MKRN1: variants seen among roughly 807,000 people sequenced by gnomAD.
MKRN1 encodes makorin ring finger protein 1.
A neutral mutation model predicts 55.5 loss-of-function variants in MKRN1; 9 were observed. The observed-to-expected ratio is 0.16, with a 90% CI of 0.10 to 0.28. The LOEUF (loss-of-function observed/expected upper bound fraction) is 0.28. MKRN1 is among the 10% of genes least tolerant of loss of function. The pLI is 1.00. For missense variants in MKRN1, 488 were observed against 626.7 expected (o/e 0.78, Z 2.36); for synonymous variants, 253 against 235.9 (o/e 1.07, Z -0.66).
At chr7:140,478,920 C>A in intron 1 of MKRN1, 1 of 371,610 alleles carries the variant, frequency 2.7e-6, no homozygotes, top group Non-Finnish European at 4.5e-6. Flanking sequence ...CCGCAGTAAT[C>A]GCGCACCGCC....
rs1396231496 is a variant in MKRN1, at chr7:140,453,466, GACA to G, written c.*1048_*1050del. On this transcript the variant is annotated 3_prime_UTR_variant, in exon 8 of 8. Coordinates refer to ENST00000255977, the MANE Select transcript of MKRN1 (RefSeq NM_013446.4). Reference sequence around the variant, plus strand: ...CCCACAAAAACAAACACAAAAACCCGACAACAAAATGCCTCAAGTGAGGACAAA... The same window carrying G: ...CCCACAAAAACAAACACAAAAACCCGACAAAATGCCTCAAGTGAGGACAAA... 2 of 152,552 alleles carry G rather than the reference GACA, an allele frequency of 1.3e-5. No homozygotes were observed. Among genetic ancestry groups the G allele is most frequent in the Non-Finnish European group, 2.9e-5 (2 of 68,036 alleles). 9.4% of individuals were successfully genotyped at this position (152,552 alleles called of 1,614,324 possible).
At chr7:140,459,666 T>C in intron 3 of MKRN1, 41 bp downstream of exon 3, 1 of 1,574,958 alleles carries the variant, frequency 6.3e-7, no homozygotes. Flanking sequence ...TGAACTGCTA[T>C]CCAGCCCTCT....
intron 4 of MKRN1, among the ~76,000 whole-genome samples, chr7:140,458,456 A>G (rs150342793): frequency 6.6e-6 from 1 of 152,368 alleles, no homozygotes; most frequent in East Asian, 1.9e-4. Context: ...ACAATAGGCC[A>G]ATCCAGAGAC....
At position 140,474,005 on chromosome 7, in the gene MKRN1, AAAAGAAAGAAAGAAAGAAAGAAAGAAAG is replaced by A. The variant is rs71272543; in HGVS notation, c.186-2022_186-1995del. On this transcript the variant is annotated intron_variant, in intron 1 of 7. Coordinates refer to ENST00000255977, the MANE Select transcript of MKRN1 (RefSeq NM_013446.4). ...GAAACTCCGTCTCAAAAAAAAAAAAAAAAGAAAGAAAGAAAGAAAGAAAGAAAGAAAGAAAGAAAGAAAGAAAGAAAGA... is the reference window on the plus strand; with the variant it reads ...GAAACTCCGTCTCAAAAAAAAAAAAAAAAGAAAGAAAGAAAGAAAGAAAGA... Among the ~76,000 whole-genome samples, 121 of 65,666 alleles carry A rather than the reference AAAAGAAAGAAAGAAAGAAAGAAAGAAAG, an allele frequency of 1.8e-3. 6 individuals carry two copies. In the South Asian group the frequency reaches 0.034, roughly 18 times the overall value. 43.1% of individuals were successfully genotyped at this position (65,666 alleles called of 152,430 possible). A position where few individuals can be genotyped will look rare whatever the true frequency, so the allele number is the denominator to read the frequency against.
intron 2 of MKRN1, among the ~76,000 whole-genome samples, chr7:140,468,642 A>G (rs541889503): frequency 7.7e-6 from 1 of 130,104 alleles, no homozygotes; most frequent in East Asian, 2.6e-4. Flanking sequence ...CGGAGGTTGC[A>G]GTGAGTTGAG....
At chr7:140,456,029 G>A in intron 5 of MKRN1, 129 bp from the exon 6 acceptor site, 1 of 1,013,914 alleles carries the variant, frequency 9.9e-7, no homozygotes, top group Non-Finnish European at 1.4e-6. Context: ...TTCCTGAAAG[G>A]GTTCCACATA....
intron 2 of MKRN1, among the ~76,000 whole-genome samples, chr7:140,464,289 A>T (rs1794709499): frequency 6.6e-6 from 1 of 152,144 alleles, no homozygotes; most frequent in Non-Finnish European, 1.5e-5. Context: ...CTATAATTCC[A>T]GCTAGTTGGG....
intron 1 of MKRN1, chr7:140,473,302 T>G (rs17161569): frequency 0.14 from 61,437 of 451,464 alleles, 4,704 homozygotes; most frequent in African/African-American, 0.25. Context: ...TGAAGTTCCT[T>G]CCACTGTGCA....
At position 140,468,002 on chromosome 7, in the gene MKRN1, C is replaced by CAAAAAAAAA. The variant is rs566154288; in HGVS notation, c.314+3872_314+3880dup. On this transcript the variant is annotated intron_variant, in intron 2 of 7. Coordinates refer to ENST00000255977, the MANE Select transcript of MKRN1 (RefSeq NM_013446.4). ...GGGCAACAAGAGCGAAATTCTGTCT[C>CAAAAAAAAA]AAAAAAAAAAAAAAAAAAATGCAGA... is the stretch of plus-strand genomic sequence containing the variant. Among the ~76,000 whole-genome samples the CAAAAAAAAA allele has an allele frequency of 1.1e-3, 96 of 88,762 alleles. 3 individuals are homozygous for CAAAAAAAAA. The highest frequency in any genetic ancestry group is 3.7e-3 in the African/African-American group (92 of 24,568). The allele number at this position is 88,762 out of a possible 152,430, so 58.2% of individuals were successfully genotyped here.
chr7:140,459,666 T>A (rs745881907), intron 3 of MKRN1, 41 bp downstream of exon 3: 16 of 1,574,840 alleles, frequency 1.0e-5, no homozygotes, highest in Non-Finnish European at 1.4e-5. Flanking sequence ...TGAACTGCTA[T>A]CCAGCCCTCT....
rs1361770336 is a variant in MKRN1, at chr7:140,479,195, G to T, written c.150C>A (p.Gly50=). The change falls in exon 1 of 8, where the codon GGC becomes GGA. Residue 50 remains glycine, a synonymous_variant. Coordinates refer to ENST00000255977, the MANE Select transcript of MKRN1 (RefSeq NM_013446.4). ...CCTGTTTAGTCCAGCCGCCGCCGCTGCCGTCGCTGCCGCCGCCCCCTCCGC... is the reference window on the plus strand; with the variant it reads ...CCTGTTTAGTCCAGCCGCCGCCGCTTCCGTCGCTGCCGCCGCCCCCTCCGC... The part of the protein sequence containing the change: ...GAGGGGGGSD[G]SGGGWTKQVT... The T allele has an allele frequency of 3.4e-6, 5 of 1,464,184 alleles. No individual in the cohort carries two copies. The allele number at this position is 1,464,184 out of a possible 1,614,324, so 90.7% of individuals were successfully genotyped here. A position where few individuals can be genotyped will look rare whatever the true frequency, so the allele number is the denominator to read the frequency against.
chr7:140,467,228 C>A lies in MKRN1; in HGVS notation c.314+4655G>T, dbSNP rs561470607. The stretch of plus-strand genomic sequence containing the variant: ...ACCTCAGGTGATCCTCCTGTCTCAG[C>A]CTCCCAAAGTGCTGGGATTACAGGC... On this transcript the variant is annotated intron_variant, in intron 2 of 7. Transcript: ENST00000255977. Among the ~76,000 whole-genome samples, 12 of 152,196 alleles carry A rather than the reference C, an allele frequency of 7.9e-5. No individual in the cohort carries two copies. The South Asian group carries it at 2.3e-3, about 29-fold the overall frequency.
intron 1 of MKRN1, 78 bp downstream of exon 1, chr7:140,479,082 G>A: frequency 8.0e-7 from 1 of 1,242,714 alleles, no homozygotes; most frequent in Non-Finnish European, 1.0e-6. Flanking sequence ...CAGGCCGGCC[G>A]CCCTCCTCCC....
At chr7:140,471,557 C>T (rs955911897) in intron 2 of MKRN1, among the ~76,000 whole-genome samples, 3 of 152,004 alleles carry the variant, frequency 2.0e-5, no homozygotes. Context: ...GCAACATCCA[C>T]CTCCCGGGTT....
chr7:140,454,748 TG>T lies in MKRN1; in HGVS notation c.1237-20del. On this transcript the variant is annotated intron_variant, in intron 7 of 7. Transcript: ENST00000255977. ...GTTGGGCCTGTAAAAAACAAGGCCA[TG>T]ATAGGGATGGCACTGTCGAGCAGTA... 6.2e-7 allele frequency: 1 copy of T among 1,609,390 alleles called. No individual in the cohort carries two copies.
In MKRN1 at chr7:140,479,267, G is replaced by A. The variant is rs953703843; in HGVS notation, c.78C>T (p.Ala26=). ...AGAAAATAAA[A]SPTPIPTVTA... is the part of the protein sequence containing the mutation. The stretch of plus-strand genomic sequence containing the variant: ...TGACTGTGGGGATCGGGGTGGGGGA[G>A]GCTGCTGCCGCCGTCGCCGCTGCCG... The change falls in exon 1 of 8, where the codon GCC becomes GCT. Residue 26 remains alanine (A), a synonymous_variant. Transcript: ENST00000255977. 2.9e-6 allele frequency: 4 copies of A among 1,395,308 alleles called. No individual in the cohort carries two copies. The highest frequency in any genetic ancestry group is 1.5e-5 in the African/African-American group (1 of 65,340). The allele number at this position is 1,395,308 out of a possible 1,614,324, so 86.4% of individuals were successfully genotyped here. A position where few individuals can be genotyped will look rare whatever the true frequency, so the allele number is the denominator to read the frequency against.
chr7:140,467,670 T>G (rs1187924935), intron 2 of MKRN1, among the ~76,000 whole-genome samples: 2 of 152,032 alleles, frequency 1.3e-5, no homozygotes, highest in Non-Finnish European at 2.9e-5. Flanking sequence ...TCAAACTATT[T>G]GGGGCGGGCA....
chr7:140,474,014 A>G (rs1795029931), intron 1 of MKRN1, among the ~76,000 whole-genome samples: 1 of 35,386 alleles, frequency 2.8e-5, no homozygotes, highest in African/African-American at 2.7e-4. Context: ...AAAAAGAAAG[A>G]AAGAAAGAAA....
chr7:140,473,054 G>A (rs1184846684), intron 1 of MKRN1, among the ~76,000 whole-genome samples: 1 of 151,708 alleles, frequency 6.6e-6, no homozygotes, highest in African/African-American at 2.4e-5. Flanking sequence ...TCGTGCCATT[G>A]AGCCACTGCG....
Sources: allele counts gnomAD v4.1 joint callset (sites outside exome capture counted in the v4.1 genomes callset), GRCh38; gene constraint gnomAD v4.1.1; transcripts MANE v1.5; gene names NCBI Gene and HGNC (gene_info 2026-07-23, HGNC 2026-07-21).